DACH2: variants seen among roughly 807,000 people sequenced by gnomAD.
DACH2 encodes the protein dachshund family transcription factor 2.
A neutral mutation model predicts 35.8 loss-of-function variants in DACH2; 17 were observed. The ratio of observed to expected loss-of-function variants is 0.48; its 90% CI spans 0.33 to 0.71. DACH2 has a LOEUF of 0.71. Among genes scored for constraint, DACH2 ranks in the 30% least tolerant of loss-of-function variants. The pLI is 0.02. For missense variants in DACH2, 469 were observed against 472.7 expected (o/e 0.99, Z 0.07); for synonymous variants, 195 against 177.3 (o/e 1.10, Z -0.79).
chrX:86,323,025 G>T (rs2035045317), intron 1 of DACH2, among the ~76,000 whole-genome samples: 2 of 112,693 alleles, frequency 1.8e-5, no homozygotes, highest in African/African-American at 3.2e-5. Flanking sequence ...AAAGGGAGAA[G>T]AATTGGAAAG....
intron 4 of DACH2, among the ~76,000 whole-genome samples, chrX:86,670,826 A>G (rs758631074): frequency 2.7e-5 from 3 of 112,164 alleles, no homozygotes; most frequent in Non-Finnish European, 3.8e-5. Flanking sequence ...TTTAAAATCT[A>G]TAGCATGAAG....
intron 3 of DACH2, among the ~76,000 whole-genome samples, chrX:86,546,339 C>CTCCTCCTCTTCT (rs1380637599): frequency 1.5e-5 from 1 of 67,222 alleles, no homozygotes; most frequent in Non-Finnish European, 2.8e-5. Flanking sequence ...CTTCTTCTTC[C>CTCCTCCTCTTCT]TCTTCTTCTT....
At chrX:86,237,674 G>A (rs150526901) in intron 1 of DACH2, among the ~76,000 whole-genome samples, 1,344 of 111,836 alleles carry the variant, frequency 0.012, 22 homozygotes, top group African/African-American at 0.041. Context: ...GCCAGCTGTG[G>A]AGCGGCAAGG....
Position 86,301,052 on chromosome X carries a change from T to C in DACH2, c.489-75772T>C, listed in dbSNP as rs1247474481. 2.7e-5 allele frequency among the ~76,000 whole-genome samples: 3 copies of C among 112,095 alleles called. No homozygotes were observed. The East Asian group carries it at 8.5e-4, about 32-fold the overall frequency. On this transcript the variant is annotated intron_variant, in intron 1 of 11. Coordinates refer to ENST00000373125, the MANE Select transcript of DACH2 (RefSeq NM_053281.3). ...AGGGAAAAAGAATACAATGTTTGTG[T>C]TATTTGTGACCTATATTGCCCTTCA...
chrX:86,267,961 A>T (rs1346957890), intron 1 of DACH2, among the ~76,000 whole-genome samples: 1 of 112,334 alleles, frequency 8.9e-6, no homozygotes, highest in Non-Finnish European at 1.9e-5. Context: ...ACATCAAAAA[A>T]TTCTGACACC....
intron 3 of DACH2, among the ~76,000 whole-genome samples, chrX:86,619,991 G>T (rs2040051205): frequency 8.9e-6 from 1 of 112,087 alleles, no homozygotes; most frequent in Admixed American, 9.5e-5. Flanking sequence ...TTTTAATTCA[G>T]TGACTTCTCT....
intron 2 of DACH2, among the ~76,000 whole-genome samples, chrX:86,500,179 C>G (rs1569422064): frequency 9.0e-6 from 1 of 111,466 alleles, no homozygotes; most frequent in Non-Finnish European, 1.9e-5. Flanking sequence ...ATGTTTTTGT[C>G]TACATTCTCT....
chrX:86,408,482 A>G (rs749421244), intron 2 of DACH2, among the ~76,000 whole-genome samples: 1 of 112,045 alleles, frequency 8.9e-6, no homozygotes, highest in East Asian at 2.8e-4. Context: ...TGGAGTGAAT[A>G]ACACTGTTGT....
chrX:86,154,993 T>C (rs1315820650), intron 1 of DACH2, among the ~76,000 whole-genome samples: 1 of 111,142 alleles, frequency 9.0e-6, no homozygotes, highest in Non-Finnish European at 1.9e-5. Flanking sequence ...TCCAAAATGG[T>C]GGAGATCAAC....
intron 1 of DACH2, among the ~76,000 whole-genome samples, chrX:86,270,727 T>C (rs2033800860): frequency 9.0e-6 from 1 of 111,685 alleles, no homozygotes; most frequent in Non-Finnish European, 1.9e-5. Context: ...GCCAAATACA[T>C]TGTTATATTT....
intron 1 of DACH2, among the ~76,000 whole-genome samples, chrX:86,244,169 G>A (rs2033229072): frequency 9.0e-6 from 1 of 111,430 alleles, no homozygotes; most frequent in Non-Finnish European, 1.9e-5. Flanking sequence ...CCTAAGTGAA[G>A]CCACATAGCA....
chrX:86,446,444 C>G (rs9792796), intron 2 of DACH2, among the ~76,000 whole-genome samples: 1 of 59,369 alleles, frequency 1.7e-5, no homozygotes, highest in African/African-American at 6.7e-5. Flanking sequence ...TCCCTCCCCC[C>G]TCCCCCGACC....
At chrX:86,364,231 A>G (rs753551673) in intron 1 of DACH2, among the ~76,000 whole-genome samples, 1 of 111,641 alleles carries the variant, frequency 9.0e-6, no homozygotes, top group African/African-American at 3.2e-5. Flanking sequence ...AATGGCAAAA[A>G]TGTATTGTTT....
At chrX:86,569,751 A>G (rs2039341586) in intron 3 of DACH2, among the ~76,000 whole-genome samples, 1 of 112,052 alleles carries the variant, frequency 8.9e-6, no homozygotes, top group Non-Finnish European at 1.9e-5. Flanking sequence ...GGATCTAATT[A>G]AACTAAAGAG....
chrX:86,700,308 T>C (rs1010724914), intron 5 of DACH2, among the ~76,000 whole-genome samples: 16 of 111,067 alleles, frequency 1.4e-4, no homozygotes, highest in Non-Finnish European at 2.6e-4. Context: ...CTTGAATATC[T>C]TTGTTAATTT....
intron 2 of DACH2, among the ~76,000 whole-genome samples, chrX:86,386,891 G>A (rs766457584): frequency 5.6e-4 from 62 of 111,013 alleles, no homozygotes; most frequent in African/African-American, 1.9e-3. Context: ...CCAAAAAAGA[G>A]GGCCAGAGAG....
At chrX:86,440,622 A>T (rs2037144914) in intron 2 of DACH2, among the ~76,000 whole-genome samples, 1 of 111,529 alleles carries the variant, frequency 9.0e-6, no homozygotes, top group Non-Finnish European at 1.9e-5. Context: ...TACACATCTA[A>T]CATATTTGTT....
chrX:86,576,558 G>A (rs1164063967), intron 3 of DACH2, among the ~76,000 whole-genome samples: 1 of 110,986 alleles, frequency 9.0e-6, no homozygotes, highest in African/African-American at 3.3e-5. Flanking sequence ...TGCATAAGGG[G>A]TTGATTTCAA....
chrX:86,715,322 A>G (rs2041323774), intron 6 of DACH2, among the ~76,000 whole-genome samples: 1 of 111,973 alleles, frequency 8.9e-6, no homozygotes, highest in Non-Finnish European at 1.9e-5. Flanking sequence ...AATATATTGC[A>G]TTAACATTAT....
Sources: allele counts gnomAD v4.1 joint callset (sites outside exome capture counted in the v4.1 genomes callset), GRCh38; gene constraint gnomAD v4.1.1; transcripts MANE v1.5; gene names NCBI Gene and HGNC (gene_info 2026-07-23, HGNC 2026-07-21).